USP11: variants seen among roughly 807,000 people sequenced by gnomAD.
The protein encoded by USP11 is ubiquitin carboxyl-terminal hydrolase 11.
USP11 carries 5 observed loss-of-function variants against 72.8 expected under a neutral mutation model. The observed-to-expected ratio is 0.07, with a 90% CI of 0.04 to 0.14. USP11 has a LOEUF of 0.14. Ranked by LOEUF, USP11 falls within the 10% of genes least tolerant of loss-of-function variation. The pLI is 1.00. For synonymous variants in USP11, 368 were observed against 326.5 expected, an observed-to-expected ratio of 1.13 and a Z score of -1.37; for missense variants, 480 against 794.7, an observed-to-expected ratio of 0.60 and a Z score of 4.76.
intron 17 of USP11, among the ~76,000 whole-genome samples, chrX:47,246,387 T>G (rs772657475): frequency 9.0e-6 from 1 of 111,545 alleles, no homozygotes; most frequent in African/African-American, 3.3e-5. Context: ...GGAGCAGAAA[T>G]GGAACAGAAA....
At chrX:47,244,956 G>A in intron 15 of USP11, 32 bp downstream of exon 15, 3 of 1,210,890 alleles carry the variant, frequency 2.5e-6, no homozygotes, top group Non-Finnish European at 3.4e-6. Flanking sequence ...GAGGGCTGGG[G>A]AGGCTGGAGG....
chrX:47,233,551 A>G (rs1414717696), intron 1 of USP11: 1 of 879,993 alleles, frequency 1.1e-6, no homozygotes, highest in Non-Finnish European at 1.4e-6. Flanking sequence ...CTGCTACATA[A>G]GGCGGGGGCG....
At chrX:47,238,008 A>C (rs2055382429) in intron 1 of USP11, among the ~76,000 whole-genome samples, 1 of 111,380 alleles carries the variant, frequency 9.0e-6, no homozygotes, top group Non-Finnish European at 1.9e-5. Flanking sequence ...CTTGTAGTAC[A>C]TATAAGTTTC....
intron 13 of USP11, 53 bp from the exon 14 acceptor site, chrX:47,244,445 C>G (rs2055421014): frequency 3.4e-6 from 4 of 1,183,581 alleles, no homozygotes; most frequent in Middle Eastern, 2.4e-4. Context: ...ATCCCGGGCT[C>G]TATCCCCACT....
intron 1 of USP11, chrX:47,233,548 A>T: frequency 2.2e-6 from 2 of 893,450 alleles, no homozygotes; most frequent in South Asian, 9.2e-5. Context: ...GTTCTGCTAC[A>T]TAAGGCGGGG....
rs936343407 is a variant in USP11, at chrX:47,247,511, C to T, written c.2536+92C>T. ...CCAGTGAGTGACTAGGGATGTGAGC[C>T]AGTGGTGAGGTTATCGTGGTGGGAG... On this transcript the variant is annotated intron_variant, in intron 19 of 20. Transcript: ENST00000377107. 12 of 1,154,781 alleles carry T rather than the reference C, an allele frequency of 1.0e-5. No homozygotes were observed. The African/African-American group carries it at 1.8e-4, about 18-fold the overall frequency.
intron 1 of USP11, among the ~76,000 whole-genome samples, chrX:47,234,990 T>C (rs887232143): frequency 7.1e-5 from 8 of 112,379 alleles, no homozygotes; most frequent in African/African-American, 2.3e-4. Flanking sequence ...CTCTGTATTA[T>C]TTTTGCCATT....
intron 12 of USP11, 109 bp downstream of exon 12, chrX:47,242,829 C>G: frequency 3.3e-6 from 2 of 602,085 alleles, no homozygotes. Context: ...GCCTCGTTCA[C>G]TGGGCACCTG....
At chrX:47,243,174 A>G (rs1170814647) in intron 12 of USP11, among the ~76,000 whole-genome samples, 1 of 112,167 alleles carries the variant, frequency 8.9e-6, no homozygotes, top group Non-Finnish European at 1.9e-5. Context: ...GAGGCAGGAG[A>G]ATGGCATGAA....
intron 4 of USP11, 91 bp downstream of exon 4, chrX:47,239,998 A>G: frequency 1.0e-5 from 10 of 955,493 alleles, no homozygotes; most frequent in Non-Finnish European, 1.5e-5. Context: ...GCTGAAGCTG[A>G]CTGAGAAGGC....
rs745611594 is a variant in USP11 at position 47,245,512 on chromosome X, G to C, written c.2270+30G>C. The C allele has an allele frequency of 3.9e-5, 41 of 1,045,642 alleles. No individual in the cohort carries two copies. The South Asian group carries it at 8.1e-4, about 21-fold the overall frequency. 86.2% of individuals were successfully genotyped at this position (1,045,642 alleles called of 1,213,427 possible). On this transcript the variant is annotated intron_variant, in intron 17 of 20. Transcript: ENST00000377107. ...GGGGCCAGAGCGGGGCCTGTGTGTG[G>C]GGGTTTCATTGGATGGAACTACTAT...
In USP11 at chrX:47,239,808, A is replaced by C; in HGVS notation, c.436A>C (p.Ile146Leu). The change falls in exon 4 of 21, where the codon ATC (isoleucine) becomes CTC (leucine). Residue 146 changes from isoleucine to leucine, a missense_variant. Ile to Leu is a conservative substitution (Grantham distance 5, BLOSUM62 2). Coordinates refer to ENST00000377107, the MANE Select transcript of USP11 (RefSeq NM_001371072.1). ...CTTACAGGTCATAGAGCTGCCCAAC[A>C]TCCAGAAGGTCGAAGTGTACCCAGT... is the stretch of plus-strand genomic sequence containing the variant. Reference protein sequence around the residue: ...IERKVIELPNIQKVEVYPVEL... With the variant: ...IERKVIELPNLQKVEVYPVEL... 1.7e-6 allele frequency: 2 copies of C among 1,211,810 alleles called. No individual in the cohort carries two copies. Among genetic ancestry groups the C allele is most frequent in the Non-Finnish European group, 2.2e-6 (2 of 895,513 alleles).
rs144214433 is a variant in USP11 at position 47,239,825 on chromosome X, G to A, written c.453G>A (p.Val151=). 305 of 1,210,143 alleles carry A rather than the reference G, an allele frequency of 2.5e-4. 1 individual carries two copies. In the African/African-American group the frequency reaches 4.7e-3, roughly 19 times the overall value. The change falls in exon 4 of 21, where the codon GTG becomes GTA. Residue 151 remains valine (V), a synonymous_variant. Transcript: ENST00000377107. ...IELPNIQKVE[V]YPVELLLVRH... is the part of the protein sequence containing the mutation. ...TGCCCAACATCCAGAAGGTCGAAGTGTACCCAGTAGAACTGCTGCTTGTCC... is the reference window on the plus strand; with the variant it reads ...TGCCCAACATCCAGAAGGTCGAAGTATACCCAGTAGAACTGCTGCTTGTCC...
In USP11 at chrX:47,247,993, T is replaced by C; in HGVS notation, c.*63T>C. Reference sequence around the variant, plus strand: ...GCCCTCTCTGCAATCTCGCTTCTCGTGTCCGCCCCGCTTCTCTTATTCGTG... The same window carrying C: ...GCCCTCTCTGCAATCTCGCTTCTCGCGTCCGCCCCGCTTCTCTTATTCGTG... On this transcript the variant is annotated 3_prime_UTR_variant, in exon 21 of 21. Transcript: ENST00000377107. The C allele has an allele frequency of 8.9e-7, 1 of 1,125,929 alleles. No individual in the cohort carries two copies. The highest frequency in any genetic ancestry group is 1.2e-6 in the Non-Finnish European group (1 of 861,191). 92.8% of individuals were successfully genotyped at this position (1,125,929 alleles called of 1,213,427 possible). A position where few individuals can be genotyped will look rare whatever the true frequency, so the allele number is the denominator to read the frequency against.
chrX:47,241,097 G>T lies in USP11; in HGVS notation c.847-180G>T, dbSNP rs751025364. On this transcript the variant is annotated intron_variant, in intron 7 of 20. Transcript: ENST00000377107. Reference sequence around the variant, plus strand: ...TCCCTCTTCTCTTCCCTGTTCCCACGTTCTTCCTTCTCGTGAAATCCTAAT... The same window carrying T: ...TCCCTCTTCTCTTCCCTGTTCCCACTTTCTTCCTTCTCGTGAAATCCTAAT... 1.1e-5 allele frequency: 6 copies of T among 567,611 alleles called. No homozygotes were observed. In the South Asian group the frequency reaches 1.9e-4, roughly 18 times the overall value. 46.8% of individuals were successfully genotyped at this position (567,611 alleles called of 1,213,427 possible). A position where few individuals can be genotyped will look rare whatever the true frequency, so the allele number is the denominator to read the frequency against.
chrX:47,243,747 T>C, intron 13 of USP11, 145 bp downstream of exon 13: 1 of 609,129 alleles, frequency 1.6e-6, no homozygotes, highest in Non-Finnish European at 2.5e-6. Flanking sequence ...TAGGGTTTTT[T>C]CTTTCTCTAG....
chrX:47,247,060 C>G lies in USP11; in HGVS notation c.2271-12C>G, dbSNP rs1351137720. On this transcript the variant is annotated splice_polypyrimidine_tract_variant and intron_variant, in intron 17 of 20. Coordinates refer to ENST00000377107, the MANE Select transcript of USP11 (RefSeq NM_001371072.1). ...GAAAAAGTCCGTTTGCTGACTCGGG[C>G]TCTGTCTGTAGGTACTGCCCTTCCT... 3.4e-6 allele frequency: 4 copies of G among 1,189,957 alleles called. No homozygotes were observed. In the Admixed American group the frequency reaches 7.5e-5, roughly 22 times the overall value.
chrX:47,241,723 T>C, intron 9 of USP11, 24 bp downstream of exon 9: 1 of 1,165,860 alleles, frequency 8.6e-7, no homozygotes. Flanking sequence ...GCATTTGCAG[T>C]CCAATTAACA....
At position 47,239,735 on chromosome X, in the gene USP11, C is replaced by G; in HGVS notation, c.418-55C>G. 4.4e-6 allele frequency: 5 copies of G among 1,134,392 alleles called. No homozygotes were observed. In the South Asian group the frequency reaches 9.2e-5, roughly 21 times the overall value. The allele number at this position is 1,134,392 out of a possible 1,213,427, so 93.5% of individuals were successfully genotyped here. ...TGTGTGCTCCTCTCATTTGAGAGGT[C>G]ACAGCGCTGTGTCTGTGTGAGTACA... On this transcript the variant is annotated intron_variant, in intron 3 of 20. Coordinates refer to ENST00000377107, the MANE Select transcript of USP11 (RefSeq NM_001371072.1).
Sources: allele counts gnomAD v4.1 joint callset (sites outside exome capture counted in the v4.1 genomes callset), GRCh38; gene constraint gnomAD v4.1.1; transcripts MANE v1.5; gene names NCBI Gene and HGNC (gene_info 2026-07-23, HGNC 2026-07-21).